The following SLC30A8 variants were observed in gnomAD, a reference collection of about 807,000 sequenced individuals.
SLC30A8 encodes the protein proton-coupled zinc antiporter SLC30A8.
In SLC30A8, 27 loss-of-function variants were observed where a neutral mutation model predicts 36.9. The observed-to-expected ratio is 0.73, with a 90% CI of 0.54 to 1.01. The LOEUF is 1.01. SLC30A8 is among the 50% of genes least tolerant of loss of function. The pLI, the probability that SLC30A8 is intolerant of heterozygous loss-of-function variation, is 0.00. For missense variants in SLC30A8, 439 were observed against 452.0 expected (o/e 0.97, Z 0.26); for synonymous variants, 164 against 172.4 (o/e 0.95, Z 0.38).
chr8:117,027,477 TTTG>T (rs1490289825), intron 1 of SLC30A8, among the ~76,000 whole-genome samples: 1 of 152,200 alleles, frequency 6.6e-6, no homozygotes, highest in Non-Finnish European at 1.5e-5. Context: ...TTTGCTTTTT[TTTG>T]TTGTTTATTT....
intron 2 of SLC30A8, among the ~76,000 whole-genome samples, chr8:117,073,064 A>G (rs1818379581): frequency 6.6e-6 from 1 of 152,046 alleles, no homozygotes; most frequent in Admixed American, 6.6e-5. Flanking sequence ...GTTGCTTTAT[A>G]TCTTTTGATT....
At chr8:117,078,230 C>T (rs1297118539) in intron 2 of SLC30A8, among the ~76,000 whole-genome samples, 1 of 152,066 alleles carries the variant, frequency 6.6e-6, no homozygotes, top group Non-Finnish European at 1.5e-5. Context: ...CTTAGAGGTC[C>T]CACAGTAATG....
chr8:117,018,673 C>CA (rs1273478052), intron 1 of SLC30A8, among the ~76,000 whole-genome samples: 1 of 124,896 alleles, frequency 8.0e-6, no homozygotes, highest in Admixed American at 7.9e-5. Context: ...GCCCCCCCCC[C>CA]CCTTTTTTTT....
At chr8:117,169,701 C>T (rs551295853) in intron 6 of SLC30A8, among the ~76,000 whole-genome samples, 12 of 151,984 alleles carry the variant, frequency 7.9e-5, no homozygotes, top group South Asian at 2.1e-4. Context: ...CTTCCAATAG[C>T]GGCAAAAGGC....
chr8:116,976,309 A>G (rs929761751), intron 1 of SLC30A8, among the ~76,000 whole-genome samples: 1 of 151,198 alleles, frequency 6.6e-6, no homozygotes, highest in Admixed American at 6.6e-5. Context: ...TGATACCTAC[A>G]GGGTGTGTCA....
At chr8:117,035,689 G>C (rs1030601758) in intron 1 of SLC30A8, among the ~76,000 whole-genome samples, 3 of 152,244 alleles carry the variant, frequency 2.0e-5, no homozygotes, top group African/African-American at 7.2e-5. Flanking sequence ...TTCTCCATGA[G>C]GGTTCCAACC....
chr8:117,077,499 G>A (rs1054033119), intron 2 of SLC30A8, among the ~76,000 whole-genome samples: 3 of 152,138 alleles, frequency 2.0e-5, no homozygotes, highest in Admixed American at 6.6e-5. Context: ...ATCTTTGGAC[G>A]CAAACCTATA....
At chr8:117,060,924 A>G (rs1229102567) in intron 2 of SLC30A8, among the ~76,000 whole-genome samples, 2 of 151,774 alleles carry the variant, frequency 1.3e-5, no homozygotes, top group Non-Finnish European at 2.9e-5. Flanking sequence ...TTGTGGACAT[A>G]TTTCTCTATG....
Position 117,161,891 on chromosome 8 carries a change from G to A in SLC30A8, c.723+3G>A, listed in dbSNP as rs781626809. 6.2e-7 allele frequency: 1 copy of A among 1,609,040 alleles called. No individual in the cohort carries two copies. Among genetic ancestry groups the A allele is most frequent in the South Asian group, 1.1e-5 (1 of 90,486 alleles). On this transcript the variant is annotated splice_donor_region_variant and intron_variant, in intron 5 of 7. Coordinates refer to ENST00000456015, the MANE Select transcript of SLC30A8 (RefSeq NM_173851.3). ...GTGCACTTATTATCTACTTTAAGGTGAGTTTGAGTTTACCCACCATCCTAG... is the reference window on the plus strand; with the variant it reads ...GTGCACTTATTATCTACTTTAAGGTAAGTTTGAGTTTACCCACCATCCTAG...
At chr8:116,980,921 T>G (rs1036043077) in intron 1 of SLC30A8, among the ~76,000 whole-genome samples, 4 of 152,244 alleles carry the variant, frequency 2.6e-5, no homozygotes, top group African/African-American at 9.6e-5. Context: ...AACAAATTTA[T>G]TTAATGAATG....
At chr8:117,031,500 C>A (rs1440137104) in intron 1 of SLC30A8, among the ~76,000 whole-genome samples, 2 of 151,488 alleles carry the variant, frequency 1.3e-5, no homozygotes, top group Admixed American at 1.3e-4. Context: ...ACTCTTGTTG[C>A]CCAGGCTGGA....
In SLC30A8 at chr8:117,160,403, TTGTGTGTGTGTGTG is replaced by T. The variant is rs71569723; in HGVS notation, c.573-1316_573-1303del. On this transcript the variant is annotated intron_variant, in intron 4 of 7. Transcript: ENST00000456015. ...ACTTATTGTAATTAGAATTTTCCAC[TTGTGTGTGTGTGTG>T]TGTGTGTGTGTGTGTGTGCGCGCAC... Among the ~76,000 whole-genome samples the T allele has an allele frequency of 5.5e-5, 8 of 145,912 alleles. No homozygotes were observed. The East Asian group carries it at 1.0e-3, about 18-fold the overall frequency.
chr8:117,072,765 C>T (rs755987391), intron 2 of SLC30A8, among the ~76,000 whole-genome samples: 3 of 151,472 alleles, frequency 2.0e-5, no homozygotes, highest in Non-Finnish European at 2.9e-5. Flanking sequence ...CAACTGAGAA[C>T]ATCTTCATAA....
intron 4 of SLC30A8, 146 bp from the exon 5 acceptor site, chr8:117,161,589 CATT>C: frequency 1.4e-6 from 1 of 702,488 alleles, no homozygotes. Flanking sequence ...TGTATTTAAA[CATT>C]AGTCAAAGAT....
At chr8:116,969,645 G>A (rs1220662500) in intron 1 of SLC30A8, among the ~76,000 whole-genome samples, 2 of 152,104 alleles carry the variant, frequency 1.3e-5, no homozygotes, top group Non-Finnish European at 2.9e-5. Context: ...AGGTTGTATG[G>A]TATAGACTAT....
At chr8:117,033,071 T>G (rs1488683458) in intron 1 of SLC30A8, among the ~76,000 whole-genome samples, 1 of 152,102 alleles carries the variant, frequency 6.6e-6, no homozygotes, top group Non-Finnish European at 1.5e-5. Flanking sequence ...TTAAAAGTAA[T>G]TTGGTCCAGA....
chr8:117,051,816 A>AT (rs1174178809), intron 2 of SLC30A8, among the ~76,000 whole-genome samples: 1 of 147,408 alleles, frequency 6.8e-6, no homozygotes, highest in Non-Finnish European at 1.5e-5. Flanking sequence ...CTGTTTCAAA[A>AT]TAAAAAAAAA....
At chr8:116,984,346 C>A (rs948567800) in intron 1 of SLC30A8, among the ~76,000 whole-genome samples, 1 of 152,152 alleles carries the variant, frequency 6.6e-6, no homozygotes, top group Admixed American at 6.6e-5. Flanking sequence ...ACTGTTAAGT[C>A]ATATAGTAGT....
At chr8:117,122,483 T>C (rs1200200569) in intron 2 of SLC30A8, among the ~76,000 whole-genome samples, 1 of 152,008 alleles carries the variant, frequency 6.6e-6, no homozygotes, top group African/African-American at 2.4e-5. Flanking sequence ...CCCAGGCCTT[T>C]CACCTACAAG....
Sources: allele counts gnomAD v4.1 joint callset (sites outside exome capture counted in the v4.1 genomes callset), GRCh38; gene constraint gnomAD v4.1.1; transcripts MANE v1.5; gene names NCBI Gene and HGNC (gene_info 2026-07-23, HGNC 2026-07-21).